The following CSMD2 variants were observed in gnomAD, a reference collection of about 807,000 sequenced individuals.
CSMD2 encodes the protein CUB and sushi domain-containing protein 2.
Under a neutral mutation model 398.5 loss-of-function variants are expected in CSMD2, and 130 were observed. The ratio of observed to expected loss-of-function variants is 0.33; its 90% CI spans 0.28 to 0.38. The LOEUF is 0.38. Ranked by LOEUF, CSMD2 falls within the 10% of genes least tolerant of loss-of-function variation. The pLI is 1.00. For synonymous variants in CSMD2, 1,828 were observed against 1,908.5 expected, an observed-to-expected ratio of 0.96 and a Z score of 1.10; for missense variants, 3,829 against 4,764.9, an observed-to-expected ratio of 0.80 and a Z score of 5.78.
At chr1:33,719,059 T>C (rs948027556) in intron 19 of CSMD2, among the ~76,000 whole-genome samples, 1 of 143,190 alleles carries the variant, frequency 7.0e-6, no homozygotes, top group Admixed American at 7.2e-5. Context: ...TAGTGAGAAT[T>C]CAGAGTGGGG....
In CSMD2 at chr1:33,602,359, C is replaced by A. The variant is rs778060721; in HGVS notation, c.6710+10G>T. 13 of 1,613,734 alleles carry A rather than the reference C, an allele frequency of 8.1e-6. No individual in the cohort carries two copies. Among genetic ancestry groups the A allele is most frequent in the South Asian group, 4.4e-5 (4 of 91,018 alleles). On this transcript the variant is annotated intron_variant, in intron 43 of 70. Coordinates refer to ENST00000373381, the MANE Select transcript of CSMD2 (RefSeq NM_001281956.2). The stretch of plus-strand genomic sequence containing the variant: ...TTTCTAATTGGCTGTTGACATGGCA[C>A]CTGGCCTACCAGATGGTGATGAAAT...
chr1:33,528,068 C>T (rs890554377), intron 64 of CSMD2, among the ~76,000 whole-genome samples: 2 of 152,046 alleles, frequency 1.3e-5, no homozygotes, highest in African/African-American at 4.8e-5. Flanking sequence ...TGCAGAGGAG[C>T]ACCTTCCTCC....
At chr1:34,149,017 T>G (rs1640043876) in intron 1 of CSMD2, among the ~76,000 whole-genome samples, 1 of 152,138 alleles carries the variant, frequency 6.6e-6, no homozygotes. Flanking sequence ...CCCCGAGCAT[T>G]TATTTACTAG....
intron 1 of CSMD2, among the ~76,000 whole-genome samples, chr1:34,159,335 C>CA (rs1553123897): frequency 0.011 from 892 of 81,130 alleles, 18 homozygotes; most frequent in African/African-American, 0.039. Flanking sequence ...CCTGCCCCCC[C>CA]CCCACCCAGG....
At chr1:33,764,122 G>T (rs934807624) in intron 13 of CSMD2, among the ~76,000 whole-genome samples, 2 of 152,118 alleles carry the variant, frequency 1.3e-5, no homozygotes, top group African/African-American at 4.8e-5. Context: ...TGAAAACAAA[G>T]GTAACAGGCA....
chr1:33,537,352 G>A lies in CSMD2; in HGVS notation c.9805+84C>T, dbSNP rs1385621783. On this transcript the variant is annotated intron_variant, in intron 61 of 70. Coordinates refer to ENST00000373381, the MANE Select transcript of CSMD2 (RefSeq NM_001281956.2). This position sits in a 1 kb window ranked among gnomAD's most constrained non-coding sequence, Gnocchi z 4.6. The stretch of plus-strand genomic sequence containing the variant: ...TTGCAGATGAGACCACTGAAGACAG[G>A]GAAGGAAAGTAATCATCTCAGGCCC... 6.3e-6 allele frequency: 9 copies of A among 1,425,576 alleles called. No individual in the cohort carries two copies. The highest frequency in any genetic ancestry group is 1.3e-5 in the South Asian group (1 of 76,324). 88.3% of individuals were successfully genotyped at this position (1,425,576 alleles called of 1,614,324 possible). A position where few individuals can be genotyped will look rare whatever the true frequency, so the allele number is the denominator to read the frequency against.
chr1:33,776,720 C>T (rs185847842), intron 12 of CSMD2, among the ~76,000 whole-genome samples: 36 of 151,552 alleles, frequency 2.4e-4, no homozygotes, highest in African/African-American at 7.0e-4. Context: ...TGGAAGACAA[C>T]GGGGCAAAGG....
intron 56 of CSMD2, among the ~76,000 whole-genome samples, chr1:33,548,673 C>T (rs1173743486): frequency 6.6e-6 from 1 of 152,226 alleles, no homozygotes. Context: ...CCTAATGTTA[C>T]TTCCTAATTG....
At chr1:33,547,215 C>A (rs1338600818) in intron 56 of CSMD2, among the ~76,000 whole-genome samples, 1 of 152,128 alleles carries the variant, frequency 6.6e-6, no homozygotes, top group African/African-American at 2.4e-5. Flanking sequence ...CAAGAGACCT[C>A]CAAGGACCCA....
chr1:33,752,736 A>G (rs1648433620), intron 13 of CSMD2, among the ~76,000 whole-genome samples: 1 of 152,166 alleles, frequency 6.6e-6, no homozygotes. Context: ...TTTCTTAGAG[A>G]CTGTTTAAAA....
At chr1:33,821,830 AAG>A (rs1235740587) in intron 7 of CSMD2, among the ~76,000 whole-genome samples, 2 of 152,298 alleles carry the variant, frequency 1.3e-5, no homozygotes, top group African/African-American at 2.4e-5. Context: ...GGCTGCCTGG[AAG>A]AGGTGGCATC....
chr1:33,821,397 G>A (rs1658132991), intron 7 of CSMD2, among the ~76,000 whole-genome samples: 1 of 152,182 alleles, frequency 6.6e-6, no homozygotes, highest in Non-Finnish European at 1.5e-5. Context: ...TGAGGAGGCT[G>A]GATTCCTGGC....
At chr1:33,723,144 A>G (rs1461964136) in intron 19 of CSMD2, among the ~76,000 whole-genome samples, 2 of 152,224 alleles carry the variant, frequency 1.3e-5, no homozygotes, top group African/African-American at 2.4e-5. Context: ...CACATTGTTA[A>G]CATTAATTTA....
intron 3 of CSMD2, among the ~76,000 whole-genome samples, chr1:33,961,739 C>T (rs1204907350): frequency 1.3e-5 from 2 of 152,226 alleles, no homozygotes; most frequent in Middle Eastern, 3.4e-3. Context: ...CTGAAATCCC[C>T]TCCCTTTCTC....
upstream of CSMD2, chr1:34,165,366 T>G: frequency 1.7e-6 from 2 of 1,210,458 alleles, no homozygotes; most frequent in East Asian, 3.5e-5. Flanking sequence ...CCGGAGCCGC[T>G]TCTCCGCCGC....
rs567613903 is a variant in CSMD2, at chr1:33,779,228, G to A, written c.1664-6477C>T. Among the ~76,000 whole-genome samples, 23 of 150,680 alleles carry A rather than the reference G, an allele frequency of 1.5e-4. No individual in the cohort carries two copies. The East Asian group carries it at 3.0e-3, about 19-fold the overall frequency. ...CCCAGCCTGCTCTTTGGCCATCAGC[G>A]ACCTTGAGATTTACACGGCACAGCA... On this transcript the variant is annotated intron_variant, in intron 12 of 70. Coordinates refer to ENST00000373381, the MANE Select transcript of CSMD2 (RefSeq NM_001281956.2).
chr1:33,770,565 G>A (rs1489228290), intron 13 of CSMD2, among the ~76,000 whole-genome samples: 3 of 152,220 alleles, frequency 2.0e-5, no homozygotes, highest in Non-Finnish European at 4.4e-5. Context: ...ATGGAAGCCA[G>A]CATCCCTGAG....
chr1:33,977,725 GA>G (rs1020150753), intron 3 of CSMD2, among the ~76,000 whole-genome samples: 17 of 151,982 alleles, frequency 1.1e-4, no homozygotes, highest in African/African-American at 3.9e-4. Context: ...TCCACATGCT[GA>G]CCCTGTGGAA....
intron 49 of CSMD2, among the ~76,000 whole-genome samples, chr1:33,576,815 T>C (rs1638276508): frequency 1.3e-5 from 2 of 152,006 alleles, no homozygotes; most frequent in African/African-American, 4.8e-5. Context: ...TTTTTTTTTT[T>C]CTTCTTCAGA....
Sources: gnomAD v4.1 joint callset for allele counts (sites outside exome capture counted in the v4.1 genomes callset) on GRCh38, gnomAD v4.1.1 for gene constraint, Gnocchi (gnomAD v3.1) non-coding constraint, MANE v1.5 for transcripts, NCBI Gene and HGNC (gene_info 2026-07-23, HGNC 2026-07-21) for gene names.